Variants in NCOA4 observed in about 807,000 individuals in gnomAD.
NCOA4 encodes 70 kDa AR-activator.
NCOA4 carries 31 observed loss-of-function variants against 69.5 expected under a neutral mutation model. The observed-to-expected ratio is 0.45, with a 90% CI of 0.34 to 0.60. The LOEUF (loss-of-function observed/expected upper bound fraction) is 0.60. Among genes scored for constraint, NCOA4 ranks in the 20% least tolerant of loss-of-function variants. The pLI, the probability that NCOA4 is intolerant of heterozygous loss-of-function variation, is 0.02. For missense variants in NCOA4, 600 were observed against 719.2 expected (o/e 0.83, Z 1.90); for synonymous variants, 228 against 252.4 (o/e 0.90, Z 0.92).
chr10:46,010,037 C>A (rs1207234889), intron 8 of NCOA4, among the ~76,000 whole-genome samples, 186 bp downstream of exon 8: 8 of 152,130 alleles, frequency 5.3e-5, no homozygotes, highest in African/African-American at 1.7e-4. Flanking sequence ...TGGTGCACAC[C>A]TATGGTCCCA....
At position 46,005,309 on chromosome 10, in the gene NCOA4, C is replaced by G. The variant is rs1221573818; in HGVS notation, c.*1283G>C. ...TTTATATAATACTCCTAAATGATAT[C>G]TGGGGAGGGAATTAAAAAATAATAC... On this transcript the variant is annotated 3_prime_UTR_variant, in exon 10 of 10. Transcript: ENST00000581486. 1 of 214,356 alleles carries G rather than the reference C, an allele frequency of 4.7e-6. No homozygotes were observed. Among genetic ancestry groups the G allele is most frequent in the Non-Finnish European group, 9.4e-6 (1 of 106,014 alleles). 13.3% of individuals were successfully genotyped at this position (214,356 alleles called of 1,614,324 possible).
At chr10:46,025,446 T>A (rs1840109249) in intron 1 of NCOA4, among the ~76,000 whole-genome samples, 1 of 152,194 alleles carries the variant, frequency 6.6e-6, no homozygotes, top group African/African-American at 2.4e-5. Flanking sequence ...TAGATGTCCT[T>A]AATCCAGTCA....
At chr10:46,022,296 G>T in intron 1 of NCOA4, 1 of 395,844 alleles carries the variant, frequency 2.5e-6, no homozygotes, top group South Asian at 2.1e-5. Flanking sequence ...TACTACACTC[G>T]AAATACTAAC....
intron 8 of NCOA4, among the ~76,000 whole-genome samples, 153 bp downstream of exon 8, chr10:46,010,070 G>A (rs4463801): frequency 0.41 from 61,618 of 152,042 alleles, 12,973 homozygotes; most frequent in South Asian, 0.66. Context: ...GCTGTAGTGC[G>A]GGCAGGGGGA....
chr10:46,006,515 G>A lies in NCOA4; in HGVS notation c.*77C>T. ...AATTGGTCAGACCCAGAAACACAAA[G>A]ATTTGGCAAGCTGCAGTCACTCAGC... On this transcript the variant is annotated 3_prime_UTR_variant, in exon 10 of 10. Transcript: ENST00000581486. 1 of 1,562,006 alleles carries A rather than the reference G, an allele frequency of 6.4e-7. No individual in the cohort carries two copies. Among genetic ancestry groups the A allele is most frequent in the Non-Finnish European group, 8.8e-7 (1 of 1,134,054 alleles).
intron 1 of NCOA4, among the ~76,000 whole-genome samples, chr10:46,018,997 C>G (rs1222392991): frequency 6.6e-6 from 1 of 152,182 alleles, no homozygotes; most frequent in Non-Finnish European, 1.5e-5. Context: ...GTGGGAAGAG[C>G]AGCAAAACAA....
chr10:46,025,993 TG>T (rs1300848113), intron 1 of NCOA4, among the ~76,000 whole-genome samples: 1 of 152,214 alleles, frequency 6.6e-6, no homozygotes, highest in Non-Finnish European at 1.5e-5. Context: ...AAAATGTCCC[TG>T]GCAATTGTAC....
intron 1 of NCOA4, among the ~76,000 whole-genome samples, chr10:46,023,764 T>G (rs1405494154): frequency 6.6e-6 from 1 of 152,248 alleles, no homozygotes; most frequent in Non-Finnish European, 1.5e-5. Context: ...ATTACATGAA[T>G]TAAAATGTTT....
intron 1 of NCOA4, among the ~76,000 whole-genome samples, chr10:46,025,372 T>C (rs1489191266): frequency 6.6e-6 from 1 of 152,204 alleles, no homozygotes; most frequent in Non-Finnish European, 1.5e-5. Context: ...CTAATCCACT[T>C]GGATTCACAC....
Position 46,010,390 on chromosome 10 carries a change from CTTCCTTGGGA to C in NCOA4, c.1521_1530del (p.Ser507ArgfsTer18). 6.2e-7 allele frequency: 1 copy of C among 1,614,172 alleles called. No individual in the cohort carries two copies. The highest frequency in any genetic ancestry group is 8.5e-7 in the Non-Finnish European group (1 of 1,180,026). ...CCAGCTCTGTCTTCAGTACCAGGCA[CTTCCTTGGGA>C]CTTCCTTCTTTGTATGGGGGCCTGA... On this transcript the variant is annotated frameshift_variant, in exon 8 of 10. Coordinates refer to ENST00000581486, the MANE Select transcript of NCOA4 (RefSeq NM_001145263.2). LOFTEE classifies it high-confidence loss of function.
chr10:46,024,905 G>C (rs190631527), intron 1 of NCOA4, among the ~76,000 whole-genome samples: 1 of 152,136 alleles, frequency 6.6e-6, no homozygotes, highest in Non-Finnish European at 1.5e-5. Flanking sequence ...AGGCAATAAG[G>C]CTCCTGAGTT....
intron 2 of NCOA4, 36 bp from the exon 3 acceptor site, chr10:46,015,302 ATCCCAAAGAATGATGTT>A (rs1839473085): frequency 1.4e-6 from 2 of 1,397,040 alleles, no homozygotes; most frequent in African/African-American, 1.5e-5. Context: ...CCTAGTGTTA[ATCCCAAAGAATGATGTT>A]TCCCAAAGAA....
Position 46,006,258 on chromosome 10 carries a change from T to C in NCOA4, c.*334A>G, listed in dbSNP as rs1300304136. 3 of 366,250 alleles carry C rather than the reference T, an allele frequency of 8.2e-6. No homozygotes were observed. The highest frequency in any genetic ancestry group is 1.0e-5 in the Non-Finnish European group (2 of 197,852). 22.7% of individuals were successfully genotyped at this position (366,250 alleles called of 1,614,324 possible). A position where few individuals can be genotyped will look rare whatever the true frequency, so the allele number is the denominator to read the frequency against. ...TATACTTCGATAAACAAGAGTGTTT[T>C]AATGTACTTTTAGTAACGACCCAAT... On this transcript the variant is annotated 3_prime_UTR_variant, in exon 10 of 10. Coordinates refer to ENST00000581486, the MANE Select transcript of NCOA4 (RefSeq NM_001145263.2).
At chr10:46,028,282 G>A (rs1351949534) in intron 1 of NCOA4, among the ~76,000 whole-genome samples, 10 of 151,980 alleles carry the variant, frequency 6.6e-5, no homozygotes, top group African/African-American at 2.4e-4. Context: ...ACTCTCCATA[G>A]TACTAACCAC....
Position 46,006,689 on chromosome 10 carries a change from C to T in NCOA4, c.1840-92G>A, listed in dbSNP as rs1197504236. 4.4e-6 allele frequency: 5 copies of T among 1,135,490 alleles called. No homozygotes were observed. The East Asian group carries it at 9.4e-5, about 21-fold the overall frequency. 70.3% of individuals were successfully genotyped at this position (1,135,490 alleles called of 1,614,324 possible). A position where few individuals can be genotyped will look rare whatever the true frequency, so the allele number is the denominator to read the frequency against. ...TAAAGCTCCGACTCATTTCCCAATA[C>T]AGGTATACCCTTGTTACATTGTATT... On this transcript the variant is annotated intron_variant, in intron 9 of 9. Transcript: ENST00000581486.
At chr10:46,009,123 C>T (rs1376531618) in intron 9 of NCOA4, 2 of 1,537,382 alleles carry the variant, frequency 1.3e-6, no homozygotes, top group Non-Finnish European at 1.8e-6. Context: ...ACCAAACCCA[C>T]CTTCGAGGTA....
chr10:46,013,676 C>T (rs782418692), intron 5 of NCOA4, 37 bp from the exon 6 acceptor site: 6 of 1,427,852 alleles, frequency 4.2e-6, no homozygotes, highest in South Asian at 1.2e-5. Flanking sequence ...GTTATTTATG[C>T]TATGCTGCCA....
intron 7 of NCOA4, among the ~76,000 whole-genome samples, chr10:46,011,583 A>G (rs1839208868): frequency 1.3e-5 from 2 of 151,944 alleles, no homozygotes; most frequent in Admixed American, 6.6e-5. Flanking sequence ...CCCTGTCTGC[A>G]TATTTACTGT....
chr10:46,019,137 A>G (rs1554923855), intron 1 of NCOA4, among the ~76,000 whole-genome samples: 1 of 152,196 alleles, frequency 6.6e-6, no homozygotes, highest in Non-Finnish European at 1.5e-5. Flanking sequence ...TTTCTCCATA[A>G]TCATCTATTA....
Sources: allele counts gnomAD v4.1 joint callset (sites outside exome capture counted in the v4.1 genomes callset), GRCh38; gene constraint gnomAD v4.1.1; transcripts MANE v1.5; gene names NCBI Gene and HGNC (gene_info 2026-07-23, HGNC 2026-07-21).